The following CDH12 variants were observed in gnomAD, a reference collection of about 807,000 sequenced individuals.
The protein encoded by CDH12 is cadherin-12.
Under a neutral mutation model 74.1 loss-of-function variants are expected in CDH12, and 41 were observed. That is an observed-to-expected ratio of 0.55 (90% CI 0.43 to 0.72). CDH12 has a LOEUF of 0.72. Ranked by LOEUF, CDH12 falls within the 30% of genes least tolerant of loss-of-function variation. The pLI is 0.00. For synonymous variants in CDH12, 399 were observed against 355.0 expected (o/e 1.12, Z -1.39); for missense variants, 945 against 977.2 (o/e 0.97, Z 0.44).
chr5:22,747,460 C>CA (rs773289338), intron 1 of CDH12, among the ~76,000 whole-genome samples: 2,619 of 60,410 alleles, frequency 0.043, 36 homozygotes, highest in South Asian at 0.074. Context: ...CCTGTCTGTA[C>CA]AAAAAAAAAA....
intron 1 of CDH12, among the ~76,000 whole-genome samples, chr5:22,829,871 G>A (rs951029750): frequency 6.6e-6 from 1 of 152,050 alleles, no homozygotes; most frequent in Non-Finnish European, 1.5e-5. Flanking sequence ...GGTTGTGGAT[G>A]GTCTATGATA....
chr5:22,025,571 T>A (rs1176592922), intron 5 of CDH12, among the ~76,000 whole-genome samples: 1 of 152,192 alleles, frequency 6.6e-6, no homozygotes, highest in Non-Finnish European at 1.5e-5. Flanking sequence ...TGCTGAAGGC[T>A]GGGTTGGCTG....
chr5:22,711,760 G>T (rs925326104), intron 1 of CDH12, among the ~76,000 whole-genome samples: 64 of 152,088 alleles, frequency 4.2e-4, no homozygotes, highest in African/African-American at 1.5e-3. Context: ...AAATAACAAA[G>T]GAGAAATTAA....
intron 1 of CDH12, among the ~76,000 whole-genome samples, chr5:22,544,801 A>G (rs1738245965): frequency 1.3e-5 from 2 of 151,752 alleles, no homozygotes; most frequent in Non-Finnish European, 2.9e-5. Context: ...TGGGTGACAG[A>G]GTGAGACTCT....
chr5:21,921,988 A>G (rs1386919559), intron 6 of CDH12, among the ~76,000 whole-genome samples: 7 of 152,294 alleles, frequency 4.6e-5, no homozygotes, highest in Non-Finnish European at 1.0e-4. Flanking sequence ...CATACAATGA[A>G]TACCTGCTTG....
At chr5:22,816,209 CGA>C (rs1749386617) in intron 1 of CDH12, among the ~76,000 whole-genome samples, 1 of 152,070 alleles carries the variant, frequency 6.6e-6, no homozygotes, top group African/African-American at 2.4e-5. Flanking sequence ...AAAACTTGAA[CGA>C]GGTTGATTTT....
intron 6 of CDH12, among the ~76,000 whole-genome samples, chr5:21,903,081 C>T (rs2150055920): frequency 6.6e-6 from 1 of 152,116 alleles, no homozygotes; most frequent in African/African-American, 2.4e-5. Context: ...TTAGGTGCTG[C>T]TCTCCTTCAT....
chr5:22,214,902 T>C lies in CDH12; in HGVS notation c.-332-2259A>G, dbSNP rs149024414. Among the ~76,000 whole-genome samples the C allele has an allele frequency of 6.2e-3, 950 of 152,322 alleles. 14 individuals are homozygous for C. In the South Asian group the frequency reaches 0.076, roughly 12 times the overall value. On this transcript the variant is annotated intron_variant, in intron 3 of 14. Transcript: ENST00000382254. ...TATAGAGAGTATGATGACTCTTCAG[T>C]AGTTTTTTTAACCTATGTTGGAACA...
chr5:22,779,540 A>G (rs1251458031), intron 1 of CDH12, among the ~76,000 whole-genome samples: 1 of 152,132 alleles, frequency 6.6e-6, no homozygotes, highest in East Asian at 1.9e-4. Flanking sequence ...CCCCAACCAA[A>G]TCTCATCTAG....
At chr5:21,782,175 T>C (rs1745952092) in intron 11 of CDH12, among the ~76,000 whole-genome samples, 2 of 152,134 alleles carry the variant, frequency 1.3e-5, no homozygotes, top group African/African-American at 4.8e-5. Flanking sequence ...GCTGGAATTG[T>C]CAACCTGAGC....
At chr5:21,991,066 C>T (rs1190394706) in intron 5 of CDH12, among the ~76,000 whole-genome samples, 3 of 151,328 alleles carry the variant, frequency 2.0e-5, no homozygotes, top group Non-Finnish European at 4.4e-5. Flanking sequence ...TTGAGCAAAG[C>T]CAGATTTGTA....
intron 3 of CDH12, among the ~76,000 whole-genome samples, chr5:22,218,073 GA>G (rs1034331911): frequency 6.0e-5 from 9 of 150,748 alleles, no homozygotes; most frequent in Admixed American, 2.6e-4. Flanking sequence ...AAATCAAAAA[GA>G]AAAAAAACTC....
At chr5:21,854,867 G>C in intron 6 of CDH12, 77 bp from the exon 7 acceptor site, 1 of 1,386,042 alleles carries the variant, frequency 7.2e-7, no homozygotes. Context: ...TGCTGGACTC[G>C]ATTTTCCTTT....
intron 3 of CDH12, among the ~76,000 whole-genome samples, chr5:22,221,462 T>C (rs906619292): frequency 2.6e-5 from 4 of 151,894 alleles, no homozygotes; most frequent in Non-Finnish European, 4.4e-5. Context: ...TTTCTTCTTT[T>C]TTGAAATGTA....
intron 6 of CDH12, among the ~76,000 whole-genome samples, chr5:21,971,638 G>A (rs1756859477): frequency 6.6e-6 from 1 of 152,222 alleles, no homozygotes; most frequent in East Asian, 1.9e-4. Context: ...AGCATTGTAG[G>A]AAAAGTAACT....
chr5:22,590,256 A>T (rs1740636969), intron 1 of CDH12, among the ~76,000 whole-genome samples: 5 of 152,192 alleles, frequency 3.3e-5, no homozygotes, highest in African/African-American at 1.2e-4. Flanking sequence ...TGAGTGACAG[A>T]ATCTAAAGAT....
At chr5:22,696,420 C>T (rs1742367906) in intron 1 of CDH12, among the ~76,000 whole-genome samples, 1 of 151,070 alleles carries the variant, frequency 6.6e-6, no homozygotes, top group Non-Finnish European at 1.5e-5. Context: ...TTCTCCCCAT[C>T]TGCATCAACT....
At chr5:22,403,821 C>T (rs1742829306) in intron 3 of CDH12, among the ~76,000 whole-genome samples, 1 of 152,072 alleles carries the variant, frequency 6.6e-6, no homozygotes, top group Admixed American at 6.6e-5. Flanking sequence ...TCTGCAACTG[C>T]ACTGAGTCAA....
chr5:22,163,015 G>C (rs1748457179), intron 4 of CDH12, among the ~76,000 whole-genome samples: 1 of 150,138 alleles, frequency 6.7e-6, no homozygotes, highest in Admixed American at 6.7e-5. Flanking sequence ...TCCTGCCTCA[G>C]CCTCCTGAGT....
Sources: allele counts gnomAD v4.1 joint callset (sites outside exome capture counted in the v4.1 genomes callset), GRCh38; gene constraint gnomAD v4.1.1; transcripts MANE v1.5; gene names NCBI Gene and HGNC (gene_info 2026-07-23, HGNC 2026-07-21).